CADPS2: variants seen among roughly 807,000 people sequenced by gnomAD.
CADPS2 encodes the protein calcium dependent secretion activator 2, also known as calcium-dependent secretion activator 2.
CADPS2 carries 93 observed loss-of-function variants against 172.5 expected under a neutral mutation model. That is an observed-to-expected ratio of 0.54 (90% CI 0.46 to 0.64). CADPS2 has a LOEUF of 0.64. Ranked by LOEUF, CADPS2 falls within the 30% of genes least tolerant of loss-of-function variation. The pLI, the probability that CADPS2 is intolerant of heterozygous loss-of-function variation, is 0.00. For synonymous variants in CADPS2, 546 were observed against 555.2 expected (o/e 0.98, Z 0.23); for missense variants, 1,420 against 1,565.9 (o/e 0.91, Z 1.57).
intron 1 of CADPS2, chr7:122,849,915 C>T: frequency 1.8e-6 from 1 of 562,822 alleles, no homozygotes; most frequent in East Asian, 4.0e-5. Flanking sequence ...ACCATGGCAT[C>T]AGCTCTGGCC....
At chr7:122,698,797 T>C in intron 2 of CADPS2, 1 of 1,613,986 alleles carries the variant, frequency 6.2e-7, no homozygotes, top group East Asian at 2.2e-5. Flanking sequence ...TATGTTCATA[T>C]AAGCCATCCA....
intron 1 of CADPS2, among the ~76,000 whole-genome samples, chr7:122,756,897 C>G (rs554231018): frequency 3.5e-4 from 53 of 150,458 alleles, no homozygotes; most frequent in Non-Finnish European, 5.6e-4. Context: ...AAGACTCCCT[C>G]TCAAGGAAAA....
chr7:122,518,509 G>C (rs368064829), intron 8 of CADPS2, among the ~76,000 whole-genome samples: 1 of 152,018 alleles, frequency 6.6e-6, no homozygotes, highest in Non-Finnish European at 1.5e-5. Context: ...TAAAGTATGA[G>C]TCTACCAAAT....
At chr7:122,601,511 C>T (rs554606963) in intron 6 of CADPS2, among the ~76,000 whole-genome samples, 3 of 151,970 alleles carry the variant, frequency 2.0e-5, no homozygotes, top group Non-Finnish European at 4.4e-5. Context: ...CACTTCACCA[C>T]CACTGCGATT....
chr7:122,376,206 T>G (rs1217872361), intron 25 of CADPS2, among the ~76,000 whole-genome samples: 1 of 152,094 alleles, frequency 6.6e-6, no homozygotes, highest in Admixed American at 6.6e-5. Context: ...ACCATATGAT[T>G]TAGCGATCCC....
chr7:122,876,203 C>T (rs887051529), intron 1 of CADPS2, among the ~76,000 whole-genome samples: 1 of 152,000 alleles, frequency 6.6e-6, no homozygotes, highest in African/African-American at 2.4e-5. Flanking sequence ...ACCTGTAATC[C>T]CAGCTACTTG....
At chr7:122,870,165 A>AT (rs2141469262) in intron 1 of CADPS2, among the ~76,000 whole-genome samples, 1 of 152,158 alleles carries the variant, frequency 6.6e-6, no homozygotes, top group South Asian at 2.1e-4. Flanking sequence ...AGCTTAGTGG[A>AT]TTAAAAAAAG....
intron 2 of CADPS2, among the ~76,000 whole-genome samples, chr7:122,719,560 T>G (rs1459467070): frequency 6.6e-6 from 1 of 152,156 alleles, no homozygotes; most frequent in Non-Finnish European, 1.5e-5. Flanking sequence ...GAGCAGAGGT[T>G]AAGTGTATTT....
At chr7:122,720,627 C>A (rs4727948) in intron 2 of CADPS2, among the ~76,000 whole-genome samples, 2 of 151,556 alleles carry the variant, frequency 1.3e-5, no homozygotes, top group Non-Finnish European at 2.9e-5. Flanking sequence ...CATATATGTA[C>A]GTATGTGTAT....
chr7:122,862,842 A>T (rs1817311283), intron 1 of CADPS2, among the ~76,000 whole-genome samples: 1 of 152,190 alleles, frequency 6.6e-6, no homozygotes. Context: ...TAGAAATAAT[A>T]AAATAACTGA....
chr7:122,582,466 G>A (rs554619915), intron 6 of CADPS2, among the ~76,000 whole-genome samples: 1 of 151,796 alleles, frequency 6.6e-6, no homozygotes, highest in Admixed American at 6.6e-5. Context: ...GGGAAGAGAA[G>A]AATCAATTAG....
At chr7:122,772,087 G>A (rs1165851560) in intron 1 of CADPS2, among the ~76,000 whole-genome samples, 1 of 152,154 alleles carries the variant, frequency 6.6e-6, no homozygotes, top group East Asian at 1.9e-4. Context: ...TGACATGGAG[G>A]AGTGAAAGAA....
chr7:122,572,911 C>T (rs2067462089), intron 7 of CADPS2, among the ~76,000 whole-genome samples: 1 of 152,080 alleles, frequency 6.6e-6, no homozygotes, highest in Non-Finnish European at 1.5e-5. Context: ...TCTCCATATG[C>T]CACCTCTATT....
intron 6 of CADPS2, among the ~76,000 whole-genome samples, chr7:122,611,111 AAAAG>A (rs1303879410): frequency 1.3e-5 from 2 of 152,140 alleles, no homozygotes; most frequent in East Asian, 1.9e-4. Context: ...ATTTTAAGAA[AAAAG>A]AAAGATCTCA....
intron 19 of CADPS2, among the ~76,000 whole-genome samples, chr7:122,410,932 T>C (rs1384230973): frequency 6.6e-6 from 1 of 152,220 alleles, no homozygotes; most frequent in East Asian, 1.9e-4. Flanking sequence ...CCTTACTTTA[T>C]AGGTTAGCAA....
chr7:122,602,588 A>C (rs1322548353), intron 6 of CADPS2, among the ~76,000 whole-genome samples: 1 of 152,034 alleles, frequency 6.6e-6, no homozygotes, highest in East Asian at 1.9e-4. Flanking sequence ...CTAGGCAGAG[A>C]AAGATCAGGG....
chr7:122,746,901 T>C (rs186663278), intron 1 of CADPS2, among the ~76,000 whole-genome samples: 44 of 152,256 alleles, frequency 2.9e-4, no homozygotes, highest in Admixed American at 2.6e-4. Flanking sequence ...TAAGAGAGAA[T>C]TGGCAAGTCT....
chr7:122,860,446 G>A (rs1032191973), intron 1 of CADPS2, among the ~76,000 whole-genome samples: 1 of 151,896 alleles, frequency 6.6e-6, no homozygotes, highest in Non-Finnish European at 1.5e-5. Flanking sequence ...TGTTGGCCAG[G>A]CTTGTCTCAA....
intron 2 of CADPS2, among the ~76,000 whole-genome samples, chr7:122,677,346 G>A (rs988259743): frequency 6.6e-6 from 1 of 152,212 alleles, no homozygotes; most frequent in Admixed American, 6.5e-5. Flanking sequence ...CCAGGAGACA[G>A]TGGGTAGAGG....
Sources: gnomAD v4.1 joint callset for allele counts (sites outside exome capture counted in the v4.1 genomes callset) on GRCh38, gnomAD v4.1.1 for gene constraint, MANE v1.5 for transcripts, NCBI Gene and HGNC (gene_info 2026-07-23, HGNC 2026-07-21) for gene names.